ENTREP2: variants seen among roughly 807,000 people sequenced by gnomAD.
ENTREP2 encodes protein ENTREP2.
the ENTREP2 span, among the ~76,000 whole-genome samples, chr15:29,512,611 C>A: frequency 6.6e-6 from 1 of 152,140 alleles, no homozygotes; most frequent in Non-Finnish European, 1.5e-5. Context: ...GAAGAAACAC[C>A]AGAGCTTTCT....
the ENTREP2 span, among the ~76,000 whole-genome samples, chr15:29,490,409 T>C: frequency 6.6e-6 from 1 of 152,182 alleles, no homozygotes; most frequent in Non-Finnish European, 1.5e-5. Context: ...ACCCAAACAG[T>C]TTGCGGCTGC....
chr15:29,336,408 C>A, the ENTREP2 span, among the ~76,000 whole-genome samples: 1 of 151,880 alleles, frequency 6.6e-6, no homozygotes, highest in Non-Finnish European at 1.5e-5. Context: ...ATCTCCCAGG[C>A]TCAAACAACC....
At chr15:29,571,249 C>A in the ENTREP2 span, among the ~76,000 whole-genome samples, 1 of 152,130 alleles carries the variant, frequency 6.6e-6, no homozygotes, top group African/African-American at 2.4e-5. Flanking sequence ...GGCGGCAGCG[C>A]ATCAAGGGCA....
the ENTREP2 span, among the ~76,000 whole-genome samples, chr15:29,536,834 C>T: frequency 5.3e-5 from 8 of 152,024 alleles, no homozygotes; most frequent in Non-Finnish European, 1.2e-4. Flanking sequence ...AAGACGGAGG[C>T]AGAGACTGGA....
At chr15:29,509,005 T>C in the ENTREP2 span, among the ~76,000 whole-genome samples, 1 of 152,180 alleles carries the variant, frequency 6.6e-6, no homozygotes, top group Non-Finnish European at 1.5e-5. Context: ...GAAAACCTCA[T>C]CATCTCAGCC....
chr15:29,404,887 C>T, the ENTREP2 span, among the ~76,000 whole-genome samples: 1 of 151,980 alleles, frequency 6.6e-6, no homozygotes, highest in African/African-American at 2.4e-5. Context: ...CCACGTCCCT[C>T]CCCCACCCAA....
the ENTREP2 span, among the ~76,000 whole-genome samples, chr15:29,173,813 T>A: frequency 3.3e-5 from 5 of 152,324 alleles, no homozygotes; most frequent in African/African-American, 1.2e-4. Context: ...AATAATTACC[T>A]ATATCTAAGT....
chr15:29,551,738 A>G, the ENTREP2 span, among the ~76,000 whole-genome samples: 1 of 151,910 alleles, frequency 6.6e-6, no homozygotes, highest in African/African-American at 2.4e-5. Flanking sequence ...AAACCCCAGT[A>G]TTAAAATACT....
At chr15:29,357,236 GA>G in the ENTREP2 span, among the ~76,000 whole-genome samples, 12 of 150,282 alleles carry the variant, frequency 8.0e-5, no homozygotes, top group Admixed American at 2.7e-4. Context: ...CTGTAGGGGA[GA>G]AAAAAAAAGA....
chr15:29,123,320 G>C, the ENTREP2 span: 2 of 1,491,924 alleles, frequency 1.3e-6, no homozygotes, highest in African/African-American at 1.4e-5. Context: ...TGGTGTCCAC[G>C]GTCAGAAATG....
chr15:29,232,418 G>T, the ENTREP2 span, among the ~76,000 whole-genome samples: 1 of 151,540 alleles, frequency 6.6e-6, no homozygotes. Flanking sequence ...TTAAAAAAAA[G>T]TTTTTGAAAG....
the ENTREP2 span, among the ~76,000 whole-genome samples, chr15:29,585,502 G>C: frequency 6.6e-6 from 1 of 152,202 alleles, no homozygotes; most frequent in Non-Finnish European, 1.5e-5. Flanking sequence ...ATGGACGAGA[G>C]AAAGTGTGGG....
the ENTREP2 span, among the ~76,000 whole-genome samples, chr15:29,247,180 G>C: frequency 6.6e-6 from 1 of 152,044 alleles, no homozygotes; most frequent in Non-Finnish European, 1.5e-5. Flanking sequence ...GTATCCTAAA[G>C]AAAAACAAAA....
chr15:29,463,264 G>C, the ENTREP2 span, among the ~76,000 whole-genome samples: 1 of 152,262 alleles, frequency 6.6e-6, no homozygotes, highest in East Asian at 1.9e-4. Flanking sequence ...ACTTCCACCT[G>C]TCTCATGAAG....
chr15:29,414,019 A>G, the ENTREP2 span, among the ~76,000 whole-genome samples: 4,022 of 152,228 alleles, frequency 0.026, 187 homozygotes, highest in African/African-American at 0.092. Flanking sequence ...GTGACCTACA[A>G]AGAGACTTAG....
the ENTREP2 span, chr15:29,124,617 A>G: frequency 7.5e-7 from 1 of 1,329,282 alleles, no homozygotes; most frequent in Non-Finnish European, 1.1e-6. Flanking sequence ...AATGTAGCCA[A>G]GGACCCACCA....
chr15:29,255,828 T>C, the ENTREP2 span, among the ~76,000 whole-genome samples: 56 of 151,968 alleles, frequency 3.7e-4, 1 homozygote, highest in East Asian at 8.2e-3. Flanking sequence ...GGTGAAACCC[T>C]GTCTCTACTA....
chr15:29,500,871 A>C, the ENTREP2 span, among the ~76,000 whole-genome samples: 1 of 151,980 alleles, frequency 6.6e-6, no homozygotes, highest in African/African-American at 2.4e-5. Flanking sequence ...AAAATAGAAG[A>C]CTCCAATTAC....
the ENTREP2 span, among the ~76,000 whole-genome samples, chr15:29,251,915 A>G: frequency 3.2e-4 from 48 of 152,270 alleles, no homozygotes; most frequent in Admixed American, 5.9e-4. Flanking sequence ...TCTGAAAGAA[A>G]ATTCTTTTTA....
Sources: allele counts gnomAD v4.1 joint callset (sites outside exome capture counted in the v4.1 genomes callset), GRCh38; gene constraint gnomAD v4.1.1; transcripts MANE v1.5; gene names NCBI Gene and HGNC (gene_info 2026-07-23, HGNC 2026-07-21).